Variants in ZFHX3 observed in about 807,000 individuals in gnomAD.
ZFHX3 encodes the protein zinc finger homeobox 3, also known as zinc finger homeobox protein 3.
ZFHX3 carries 42 observed loss-of-function variants against 279.1 expected under a neutral mutation model. The observed-to-expected ratio is 0.15, with a 90% CI of 0.12 to 0.19. The LOEUF is 0.19. ZFHX3 is among the 10% of genes least tolerant of loss of function. The probability of loss-of-function intolerance (pLI) is 1.00; values close to 1 mark genes in which losing one functional copy is unlikely to be tolerated. For synonymous variants in ZFHX3, 2,293 were observed against 1,957.8 expected (o/e 1.17, Z -4.52); for missense variants, 4,981 against 4,754.0 (o/e 1.05, Z -1.40).
intron 1 of ZFHX3, among the ~76,000 whole-genome samples, chr16:73,732,940 A>G (rs1208702069): frequency 6.6e-6 from 1 of 152,182 alleles, no homozygotes; most frequent in Non-Finnish European, 1.5e-5. Context: ...GTCATGGATC[A>G]TATAGAAAGA....
chr16:73,800,236 T>C (rs1004795080), intron 1 of ZFHX3, among the ~76,000 whole-genome samples: 4 of 151,832 alleles, frequency 2.6e-5, no homozygotes, highest in Non-Finnish European at 5.9e-5. Context: ...TTTTTTTTTT[T>C]AGATGGAGTC....
chr16:73,212,936 A>G (rs1280253097), intron 5 of ZFHX3, among the ~76,000 whole-genome samples: 3 of 152,232 alleles, frequency 2.0e-5, no homozygotes, highest in Admixed American at 2.0e-4. Flanking sequence ...TTGTTTAAAA[A>G]GTGCATGCGT....
chr16:72,951,930 T>C (rs189375750), intron 2 of ZFHX3, among the ~76,000 whole-genome samples: 40 of 152,268 alleles, frequency 2.6e-4, no homozygotes, highest in Non-Finnish European at 4.9e-4. Context: ...GGCGCCTGGG[T>C]TGGATAGTGC....
rs770677747 is a variant in ZFHX3 at position 72,958,984 on chromosome 16, C to T, written c.1162G>A (p.Glu388Lys). ...GTCAAGAGACCAGCCTGGGGCTGCT[C>T]GGGGCCAGCGGCGGAGCCCGCTGGG... is the stretch of plus-strand genomic sequence containing the variant. Reference protein sequence around the residue: ...ALPAGSAAGPEQPQAGLLTPS... With the variant: ...ALPAGSAAGPKQPQAGLLTPS... Residue 388 changes from glutamate (E) to lysine (K), a missense_variant, in exon 2 of 10, where the codon GAG becomes AAG. Glu to Lys is a moderately conservative substitution (Grantham distance 56, BLOSUM62 1). Coordinates refer to ENST00000268489, the MANE Select transcript of ZFHX3 (RefSeq NM_006885.4). 1.5e-5 allele frequency: 24 copies of T among 1,605,224 alleles called. No individual in the cohort carries two copies. In the East Asian group the frequency reaches 1.8e-4, roughly 12 times the overall value.
In ZFHX3 at chr16:73,480,163, T is replaced by A. The variant is rs1421661430; in HGVS notation, c.-1546-23905A>T. Among the ~76,000 whole-genome samples the A allele has an allele frequency of 2.0e-5, 3 of 151,940 alleles. No individual in the cohort carries two copies. In the East Asian group the frequency reaches 5.8e-4, roughly 29 times the overall value. On this transcript the variant is annotated intron_variant, in intron 2 of 17. Coordinates refer to the ZFHX3 transcript ENST00000641206. ...CCTGGCTTCAGATATCTAAAGCAGC[T>A]ATTTTTTTTTTTTCCTTCAGCATTT...
chr16:73,135,888 C>T (rs571241350), intron 6 of ZFHX3, among the ~76,000 whole-genome samples: 89 of 150,540 alleles, frequency 5.9e-4, no homozygotes, highest in Middle Eastern at 3.4e-3. Flanking sequence ...GACAGAATCT[C>T]GCTTTGTCGC....
At chr16:73,833,972 T>G (rs939973634) in intron 1 of ZFHX3, among the ~76,000 whole-genome samples, 9 of 151,814 alleles carry the variant, frequency 5.9e-5, no homozygotes, top group Non-Finnish European at 1.0e-4. Context: ...TGAAAAAGGA[T>G]GAAGAAATTA....
At position 73,411,546 on chromosome 16, in the gene ZFHX3, C is replaced by T. The variant is rs114167090; in HGVS notation, c.-1291+44457G>A. ...ACATTAAGTGAAATATGACCATATA[C>T]AGCAAAGATGTCATGGGTAGGACCC... On this transcript the variant is annotated intron_variant, in intron 3 of 17. Coordinates refer to the ZFHX3 transcript ENST00000641206. Among the ~76,000 whole-genome samples the T allele has an allele frequency of 1.6e-3, 236 of 152,158 alleles. No individual in the cohort carries two copies. The Middle Eastern group carries it at 0.017, about 11-fold the overall frequency.
In ZFHX3 at chr16:73,261,638, C is replaced by T. The variant is rs1361190795; in HGVS notation, c.-1193-4502G>A. On this transcript the variant is annotated intron_variant, in intron 4 of 17. Coordinates refer to the ZFHX3 transcript ENST00000641206. ...TGAAACTCCAATTTGATCACTATTC[C>T]TTTGTATAAATATAAACATTCCTGT... Among the ~76,000 whole-genome samples, 6 of 142,730 alleles carry T rather than the reference C, an allele frequency of 4.2e-5. No individual in the cohort carries two copies. The Admixed American group carries it at 4.2e-4, about 10-fold the overall frequency. 93.6% of individuals were successfully genotyped at this position (142,730 alleles called of 152,430 possible). A position where few individuals can be genotyped will look rare whatever the true frequency, so the allele number is the denominator to read the frequency against.
At chr16:72,967,198 G>A (rs749320942) in intron 1 of ZFHX3, among the ~76,000 whole-genome samples, 1 of 152,164 alleles carries the variant, frequency 6.6e-6, no homozygotes, top group Non-Finnish European at 1.5e-5. Flanking sequence ...CGTGTCTGGT[G>A]TAACCATTCT....
intron 4 of ZFHX3, among the ~76,000 whole-genome samples, chr16:73,307,217 T>G (rs1224688362): frequency 6.6e-6 from 1 of 152,218 alleles, no homozygotes; most frequent in Non-Finnish European, 1.5e-5. Flanking sequence ...ATCGTACACA[T>G]GATCACTCAT....
intron 4 of ZFHX3, among the ~76,000 whole-genome samples, chr16:73,294,925 C>T (rs2014871605): frequency 6.6e-6 from 1 of 151,564 alleles, no homozygotes; most frequent in Non-Finnish European, 1.5e-5. Flanking sequence ...TCAACATCCA[C>T]AGCCACGGCT....
intron 4 of ZFHX3, among the ~76,000 whole-genome samples, chr16:72,854,612 G>A (rs773912069): frequency 2.0e-5 from 3 of 152,084 alleles, no homozygotes; most frequent in Non-Finnish European, 4.4e-5. Context: ...AACAATAAGG[G>A]GGGAGGGACA....
chr16:73,207,517 A>T (rs1191989997), intron 5 of ZFHX3, among the ~76,000 whole-genome samples: 2 of 152,248 alleles, frequency 1.3e-5, no homozygotes, highest in African/African-American at 2.4e-5. Context: ...GAACGACAGC[A>T]GTACCCCTTG....
intron 2 of ZFHX3, among the ~76,000 whole-genome samples, chr16:73,678,558 T>C (rs1223105880): frequency 1.3e-5 from 2 of 152,182 alleles, no homozygotes; most frequent in Non-Finnish European, 2.9e-5. Context: ...TAAAATCTGG[T>C]ATTGCATTAA....
intron 4 of ZFHX3, among the ~76,000 whole-genome samples, chr16:73,292,714 A>G (rs1057050088): frequency 6.6e-6 from 1 of 152,072 alleles, no homozygotes; most frequent in Non-Finnish European, 1.5e-5. Flanking sequence ...CAGGGGGTGC[A>G]TAAGAAGGGG....
At position 73,304,934 on chromosome 16, in the gene ZFHX3, T is replaced by C. The variant is rs143645668; in HGVS notation, c.-1194+13306A>G. ...ATGTCTTTGGGAGCATGTCAGTAGC[T>C]GCTGTCCTGCTATGAATTTTTATTC... On this transcript the variant is annotated intron_variant, in intron 4 of 17. Transcript: ENST00000641206. Among the ~76,000 whole-genome samples, 683 of 152,298 alleles carry C rather than the reference T, an allele frequency of 4.5e-3. 3 individuals carry two copies. Among genetic ancestry groups the C allele is most frequent in the African/African-American group, 0.016 (645 of 41,568 alleles).
intron 8 of ZFHX3, among the ~76,000 whole-genome samples, chr16:73,066,225 G>A (rs1297115479): frequency 6.6e-6 from 1 of 152,232 alleles, no homozygotes; most frequent in Non-Finnish European, 1.5e-5. Context: ...CTCAGGCCCG[G>A]GCGTGAGACG....
At chr16:73,646,790 A>C (rs867168097) in intron 2 of ZFHX3, among the ~76,000 whole-genome samples, 1 of 152,190 alleles carries the variant, frequency 6.6e-6, no homozygotes, top group Non-Finnish European at 1.5e-5. Flanking sequence ...TTCAATAGAC[A>C]ATAATCATAT....
Sources: allele counts gnomAD v4.1 joint callset (sites outside exome capture counted in the v4.1 genomes callset), GRCh38; gene constraint gnomAD v4.1.1; transcripts MANE v1.5; gene names NCBI Gene and HGNC (gene_info 2026-07-23, HGNC 2026-07-21).